The following RPS6KC1 variants were observed in gnomAD, a reference collection of about 807,000 sequenced individuals.
RPS6KC1 encodes ribosomal protein S6 kinase C1, also known as inactive ribosomal protein S6 kinase delta-1.
RPS6KC1 carries 54 observed loss-of-function variants against 103.8 expected under a neutral mutation model. That is an observed-to-expected ratio of 0.52 (90% CI 0.42 to 0.65). RPS6KC1 has a LOEUF of 0.65. Among genes scored for constraint, RPS6KC1 ranks in the 30% least tolerant of loss-of-function variants. RPS6KC1 has a pLI of 0.00. For synonymous variants in RPS6KC1, 439 were observed against 438.7 expected, an observed-to-expected ratio of 1.00 and a Z score of -0.01; for missense variants, 1,151 against 1,253.8, an observed-to-expected ratio of 0.92 and a Z score of 1.24.
chr1:213,258,251 A>G (rs1308699903), intron 12 of RPS6KC1, among the ~76,000 whole-genome samples: 1 of 152,104 alleles, frequency 6.6e-6, no homozygotes, highest in East Asian at 1.9e-4. Flanking sequence ...GATTACAGGC[A>G]TGAGCCACCG....
chr1:213,489,477 C>T, the RPS6KC1 span, among the ~76,000 whole-genome samples: 4 of 152,112 alleles, frequency 2.6e-5, no homozygotes, highest in African/African-American at 9.7e-5. Flanking sequence ...TTCCTCTGGG[C>T]CTTTTCATTC....
chr1:213,332,871 CT>C, the RPS6KC1 span, among the ~76,000 whole-genome samples: 1 of 152,166 alleles, frequency 6.6e-6, no homozygotes, highest in Non-Finnish European at 1.5e-5. Context: ...CCCTCAGTGG[CT>C]TTTCTAACCA....
chr1:213,660,755 A>C, the RPS6KC1 span, among the ~76,000 whole-genome samples: 1 of 149,286 alleles, frequency 6.7e-6, no homozygotes, highest in Non-Finnish European at 1.5e-5. Context: ...AACTGTGCCC[A>C]AAAATGGCAG....
chr1:213,526,723 G>A, the RPS6KC1 span, among the ~76,000 whole-genome samples: 1 of 152,150 alleles, frequency 6.6e-6, no homozygotes, highest in Non-Finnish European at 1.5e-5. Context: ...ATAAAGTGGG[G>A]ATTGTAATCT....
At chr1:213,428,416 TCCC>T in the RPS6KC1 span, among the ~76,000 whole-genome samples, 1 of 45,464 alleles carries the variant, frequency 2.2e-5, no homozygotes, top group East Asian at 7.0e-4. Context: ...CCTCCCTCCC[TCCC>T]TTCCTCTCCC....
the RPS6KC1 span, among the ~76,000 whole-genome samples, chr1:213,439,258 C>A: frequency 1.3e-5 from 2 of 152,316 alleles, no homozygotes; most frequent in South Asian, 2.1e-4. Flanking sequence ...TAGCTCACTT[C>A]AATGTGTGTT....
chr1:213,334,104 A>G, the RPS6KC1 span, among the ~76,000 whole-genome samples: 3 of 152,190 alleles, frequency 2.0e-5, no homozygotes, highest in Non-Finnish European at 4.4e-5. Context: ...CTGGATGATG[A>G]TAATAATAAC....
At position 213,068,211 on chromosome 1, in the gene RPS6KC1, C is replaced by T. The variant is rs757289386; in HGVS notation, c.106-2795C>T. On this transcript the variant is annotated intron_variant, in intron 1 of 14. Transcript: ENST00000366960. The stretch of plus-strand genomic sequence containing the variant: ...TCATAAAAATGTAAGAACGGCGGGG[C>T]GCAGTGGCTCACGCCTGTAATCCCA... Among the ~76,000 whole-genome samples, 135 of 152,034 alleles carry T rather than the reference C, an allele frequency of 8.9e-4. 1 individual carries two copies. The highest frequency in any genetic ancestry group is 1.8e-3 in the Admixed American group (27 of 15,254).
intron 4 of RPS6KC1, among the ~76,000 whole-genome samples, chr1:213,116,533 G>A (rs1194346410): frequency 1.5e-5 from 2 of 132,166 alleles, no homozygotes; most frequent in African/African-American, 5.8e-5. Flanking sequence ...CTTTTAATTG[G>A]AGCATTTAGT....
chr1:213,127,369 A>G (rs921235051), intron 5 of RPS6KC1, among the ~76,000 whole-genome samples: 1 of 152,208 alleles, frequency 6.6e-6, no homozygotes. Context: ...TAAGTAGTAG[A>G]AACTGTTACA....
the RPS6KC1 span, among the ~76,000 whole-genome samples, chr1:213,569,241 T>G: frequency 6.6e-6 from 1 of 152,146 alleles, no homozygotes; most frequent in Non-Finnish European, 1.5e-5. Flanking sequence ...TAAAACCTAG[T>G]GGGTCTTAGC....
At chr1:213,574,870 C>T in the RPS6KC1 span, among the ~76,000 whole-genome samples, 1,023 of 152,186 alleles carry the variant, frequency 6.7e-3, 10 homozygotes, top group African/African-American at 0.02. Flanking sequence ...CTGGCAAGAC[C>T]GAGTCACTGT....
chr1:213,139,795 C>T (rs1240463110), intron 6 of RPS6KC1, among the ~76,000 whole-genome samples: 1 of 151,930 alleles, frequency 6.6e-6, no homozygotes, highest in Non-Finnish European at 1.5e-5. Context: ...CAGGTTTGTT[C>T]TTTTTGCTTA....
chr1:213,297,404 A>G, the RPS6KC1 span, among the ~76,000 whole-genome samples: 1 of 152,174 alleles, frequency 6.6e-6, no homozygotes, highest in Non-Finnish European at 1.5e-5. Context: ...GTCACTTGTG[A>G]ATCTGAACAC....
the RPS6KC1 span, among the ~76,000 whole-genome samples, chr1:213,325,779 C>T: frequency 1.3e-5 from 2 of 152,184 alleles, no homozygotes; most frequent in African/African-American, 2.4e-5. Context: ...GGGAGACAGG[C>T]ATGTTTGTGT....
chr1:213,448,562 A>T, the RPS6KC1 span, among the ~76,000 whole-genome samples: 4,318 of 152,178 alleles, frequency 0.028, 86 homozygotes, highest in East Asian at 0.051. Context: ...GCTGACTTCA[A>T]AGACCTGGTC....
the RPS6KC1 span, among the ~76,000 whole-genome samples, chr1:213,560,122 T>A: frequency 6.6e-6 from 1 of 152,172 alleles, no homozygotes; most frequent in Non-Finnish European, 1.5e-5. Context: ...TAGGCAAAAT[T>A]CTAAATGGCC....
rs2095102659 is a variant in RPS6KC1 at position 213,274,494 on chromosome 1, A to G, written c.*1860A>G. 6.6e-6 allele frequency: 1 copy of G among 152,174 alleles called. No homozygotes were observed. Among genetic ancestry groups the G allele is most frequent in the African/African-American group, 2.4e-5 (1 of 41,448 alleles). The allele number at this position is 152,174 out of a possible 1,614,324, so 9.4% of individuals were successfully genotyped here. On this transcript the variant is annotated 3_prime_UTR_variant, in exon 15 of 15. Transcript: ENST00000366960. ...TCTGTTGACACAATTCCATTGCTTC[A>G]GTTTCTCCCCTTTTCTCTCTATATG...
chr1:213,501,187 G>T, the RPS6KC1 span, among the ~76,000 whole-genome samples: 80 of 152,288 alleles, frequency 5.3e-4, no homozygotes, highest in African/African-American at 1.4e-3. Context: ...GACTAGGTTT[G>T]CTCTCCAAGA....
Sources: gnomAD v4.1 joint callset for allele counts (sites outside exome capture counted in the v4.1 genomes callset) on GRCh38, gnomAD v4.1.1 for gene constraint, MANE v1.5 for transcripts, NCBI Gene and HGNC (gene_info 2026-07-23, HGNC 2026-07-21) for gene names.